Variants in MDN1 observed in about 807,000 individuals in gnomAD.
MDN1 encodes midasin AAA ATPase 1, also known as midasin.
Under a neutral mutation model 669.2 loss-of-function variants are expected in MDN1, and 266 were observed. The ratio of observed to expected loss-of-function variants is 0.40; its 90% CI spans 0.36 to 0.44. The LOEUF (loss-of-function observed/expected upper bound fraction) is 0.44. Among genes scored for constraint, MDN1 ranks in the 20% least tolerant of loss-of-function variants. The pLI is 1.00. For missense variants in MDN1, 5,940 were observed against 6,754.0 expected, an observed-to-expected ratio of 0.88 and a Z score of 4.22; for synonymous variants, 2,385 against 2,457.1, an observed-to-expected ratio of 0.97 and a Z score of 0.87.
rs780544058 is a variant in MDN1, at chr6:89,650,710, C to T, written c.16031+22G>A. 6.3e-6 allele frequency: 10 copies of T among 1,577,448 alleles called. No individual in the cohort carries two copies. In the Admixed American group the frequency reaches 8.4e-5, roughly 13 times the overall value. ...GCCGTCTTCTCAGGGCACTGTGAGG[C>T]CTTCCAGAGGGGAAGACTTACTTCA... On this transcript the variant is annotated intron_variant, in intron 96 of 101. Coordinates refer to ENST00000369393, the MANE Select transcript of MDN1 (RefSeq NM_014611.3).
At chr6:89,757,273 G>C (rs1284969314) in intron 19 of MDN1, among the ~76,000 whole-genome samples, 6 of 152,234 alleles carry the variant, frequency 3.9e-5, no homozygotes, top group Non-Finnish European at 8.8e-5. Context: ...GTGCTTAGTG[G>C]CGAAAAATAA....
chr6:89,790,414 G>C lies in MDN1; in HGVS notation c.856-13C>G, dbSNP rs749642086. On this transcript the variant is annotated splice_polypyrimidine_tract_variant and intron_variant, in intron 5 of 101. Transcript: ENST00000369393. ...TCCTATTACCACCCTAAAGAGGCAA[G>C]ACAAAAGCCATGTCAAGAAGAGTTC... 2 of 1,613,372 alleles carry C rather than the reference G, an allele frequency of 1.2e-6. No homozygotes were observed. The highest frequency in any genetic ancestry group is 1.7e-6 in the Non-Finnish European group (2 of 1,179,918).
chr6:89,683,052 T>C, intron 73 of MDN1, 80 bp downstream of exon 73: 1 of 1,398,034 alleles, frequency 7.2e-7, no homozygotes, highest in Non-Finnish European at 1.0e-6. Context: ...TGTCTAGTAC[T>C]GAGGCATGCC....
intron 12 of MDN1, among the ~76,000 whole-genome samples, chr6:89,775,856 A>G (rs1366813736): frequency 6.6e-6 from 1 of 151,678 alleles, no homozygotes; most frequent in African/African-American, 2.4e-5. Flanking sequence ...CAGCTAATTT[A>G]TTGTATTTTT....
In MDN1 at chr6:89,656,691, G is replaced by A. The variant is rs749266476; in HGVS notation, c.15285+9C>T. 3 of 1,600,626 alleles carry A rather than the reference G, an allele frequency of 1.9e-6. No homozygotes were observed. Among genetic ancestry groups the A allele is most frequent in the African/African-American group, 1.3e-5 (1 of 74,174 alleles). On this transcript the variant is annotated intron_variant, in intron 91 of 101. Transcript: ENST00000369393. ...CTTCACCTAAGTTTAGCTGAGGAGT[G>A]ATAGAAACCTGTGTGTTTTTCCTGG...
rs1472372313 is a variant in MDN1, at chr6:89,790,225, T to G, written c.1032A>C (p.Ala344=). 2.5e-6 allele frequency: 4 copies of G among 1,614,198 alleles called. No individual in the cohort carries two copies. In the East Asian group the frequency reaches 6.7e-5, roughly 27 times the overall value. Residue 344 remains alanine (A), a synonymous_variant, in exon 6 of 102, where the codon GCA becomes GCC. Coordinates refer to ENST00000369393, the MANE Select transcript of MDN1 (RefSeq NM_014611.3). ...GAGGAGGCTTTGTTCTACCTGTCAC[T>G]GCAGCTAAATATTCAACTAAGGAAG... ...GKTSLVEYLA[A]VTGRTKPPQL...
chr6:89,751,150 C>T (rs1186570061), intron 23 of MDN1, among the ~76,000 whole-genome samples: 3 of 152,076 alleles, frequency 2.0e-5, no homozygotes, highest in South Asian at 4.1e-4. Flanking sequence ...GAACTTTTAG[C>T]CATTTACTGA....
At chr6:89,685,177 A>G (rs1428795456) in intron 70 of MDN1, among the ~76,000 whole-genome samples, 192 bp from the exon 71 acceptor site, 2 of 151,924 alleles carry the variant, frequency 1.3e-5, no homozygotes, top group Non-Finnish European at 2.9e-5. Flanking sequence ...CAGGCTGTCA[A>G]CACTCCCCTA....
intron 17 of MDN1, among the ~76,000 whole-genome samples, chr6:89,759,224 A>C (rs914350524): frequency 6.6e-6 from 1 of 152,192 alleles, no homozygotes; most frequent in African/African-American, 2.4e-5. Flanking sequence ...GGTCAGGTAA[A>C]TAGCTTACAT....
chr6:89,790,311 C>T lies in MDN1; in HGVS notation c.946G>A (p.Ala316Thr). The T allele has an allele frequency of 6.2e-7, 1 of 1,614,108 alleles. No individual in the cohort carries two copies. The highest frequency in any genetic ancestry group is 1.1e-5 in the South Asian group (1 of 91,080). ...ESVCKSLQTL[A>T]MAVASQNAVL... ...GCATTCTGAGAAGCAACCGCCATAG[C>T]CAGGGTCTGAAGACTTTTGCAGACA... The change falls in exon 6 of 102, where the codon GCT becomes ACT. Residue 316 changes from alanine (A) to threonine (T), a missense_variant. By Grantham distance (58) the Ala-to-Thr change is moderately conservative (BLOSUM62 0). Around this residue, in one of 5 missense-constraint regions of MDN1, gnomAD observed 1,203 missense variants for 1,268.9 expected, o/e 0.95. Transcript: ENST00000369393.
At chr6:89,732,101 G>A (rs748394790) in intron 34 of MDN1, among the ~76,000 whole-genome samples, 6 of 151,870 alleles carry the variant, frequency 4.0e-5, no homozygotes, top group African/African-American at 9.7e-5. Context: ...AAAGGCTCTC[G>A]TGCCCTTTGT....
Position 89,714,603 on chromosome 6 carries a change from C to T in MDN1, c.7009G>A (p.Gly2337Arg), listed in dbSNP as rs1212966116. The change falls in exon 46 of 102, where the codon GGG becomes AGG. Residue 2337 changes from glycine to arginine, a missense_variant. By Grantham distance (125) the Gly-to-Arg change is moderately radical. Coordinates refer to ENST00000369393, the MANE Select transcript of MDN1 (RefSeq NM_014611.3). The part of the protein sequence containing the change: ...KVLLHSLGLV[G>R]NSVCDILLAL... ...AAGAGGATGTCACATACACTGTTCC[C>T]CACCAATCCAAGGCTGTGCAGCAGA... 3.7e-6 allele frequency: 6 copies of T among 1,613,968 alleles called. No individual in the cohort carries two copies. The highest frequency in any genetic ancestry group is 1.1e-5 in the South Asian group (1 of 91,070).
At chr6:89,763,349 A>ACC (rs568831907) in intron 15 of MDN1, among the ~76,000 whole-genome samples, 1 of 139,296 alleles carries the variant, frequency 7.2e-6, no homozygotes, top group Admixed American at 7.1e-5. Flanking sequence ...AAAAAAAAAA[A>ACC]AAAAAAAATC....
intron 15 of MDN1, 100 bp downstream of exon 15, chr6:89,771,461 G>T: frequency 9.9e-7 from 1 of 1,012,650 alleles, no homozygotes; most frequent in Non-Finnish European, 1.5e-6. Flanking sequence ...CTATTGCATC[G>T]AGCATCCTAG....
Position 89,672,544 on chromosome 6 carries a change from T to C in MDN1, c.13630+3A>G. On this transcript the variant is annotated splice_donor_region_variant and intron_variant, in intron 81 of 101. Coordinates refer to ENST00000369393, the MANE Select transcript of MDN1 (RefSeq NM_014611.3). ...ACTAATTTCTGCCTGATTTCAGACATACCATAATCTTCTTGTGGGCTTGCT... is the reference window on the plus strand; with the variant it reads ...ACTAATTTCTGCCTGATTTCAGACACACCATAATCTTCTTGTGGGCTTGCT... 1 of 1,608,568 alleles carries C rather than the reference T, an allele frequency of 6.2e-7. No individual in the cohort carries two copies. Among genetic ancestry groups the C allele is most frequent in the Non-Finnish European group, 8.5e-7 (1 of 1,178,372 alleles).
At chr6:89,789,667 C>G (rs919792453) in intron 7 of MDN1, 113 bp downstream of exon 7, 30 of 1,251,552 alleles carry the variant, frequency 2.4e-5, no homozygotes, top group Middle Eastern at 2.2e-4. Context: ...CAACATAGTA[C>G]GTCTAATCAA....
At chr6:89,649,567 ACT>A (rs1213793083) in intron 97 of MDN1, among the ~76,000 whole-genome samples, 3 of 152,214 alleles carry the variant, frequency 2.0e-5, no homozygotes, top group African/African-American at 7.2e-5. Flanking sequence ...TAGAACAATA[ACT>A]CTGGATAATT....
At chr6:89,763,702 A>C (rs1404478210) in intron 15 of MDN1, among the ~76,000 whole-genome samples, 1 of 152,168 alleles carries the variant, frequency 6.6e-6, no homozygotes, top group Non-Finnish European at 1.5e-5. Flanking sequence ...TATGTTTCAC[A>C]ACAAACGTAA....
At chr6:89,752,524 T>G (rs1817008525) in intron 22 of MDN1, among the ~76,000 whole-genome samples, 1 of 152,198 alleles carries the variant, frequency 6.6e-6, no homozygotes, top group African/African-American at 2.4e-5. Flanking sequence ...CCAATTTACA[T>G]GTTGATTGTG....
Sources: allele counts gnomAD v4.1 joint callset (sites outside exome capture counted in the v4.1 genomes callset), GRCh38; gene constraint gnomAD v4.1.1; regional missense constraint gnomAD v4.1.1; transcripts MANE v1.5; gene names NCBI Gene and HGNC (gene_info 2026-07-23, HGNC 2026-07-21).